Variants in IPO13 observed in about 807,000 individuals in gnomAD.
The protein encoded by IPO13 is importin 13, also known as importin-13.
In IPO13, 28 loss-of-function variants were observed where a neutral mutation model predicts 115.5. That is an observed-to-expected ratio of 0.24 (90% CI 0.18 to 0.33). The LOEUF is 0.33. IPO13 is among the 10% of genes least tolerant of loss of function. The pLI is 1.00. For synonymous variants in IPO13, 414 were observed against 478.9 expected (o/e 0.86, Z 1.77); for missense variants, 785 against 1,204.6 (o/e 0.65, Z 5.16).
rs569169406 is a variant in IPO13, at chr1:43,957,654, C to T, written c.1540+105C>T. ...TATCCAGAATGGGAGAGCCACATGC[C>T]TACACACAATCAGTGTTGTAACAAA... On this transcript the variant is annotated intron_variant, in intron 7 of 19. Transcript: ENST00000372343. 6.6e-6 allele frequency: 9 copies of T among 1,368,434 alleles called. No individual in the cohort carries two copies. In the South Asian group the frequency reaches 1.2e-4, roughly 18 times the overall value. The allele number at this position is 1,368,434 out of a possible 1,614,324, so 84.8% of individuals were successfully genotyped here. A position where few individuals can be genotyped will look rare whatever the true frequency, so the allele number is the denominator to read the frequency against.
intron 7 of IPO13, 79 bp from the exon 8 acceptor site, chr1:43,957,898 A>C (rs2085262183): frequency 2.2e-6 from 3 of 1,392,346 alleles, no homozygotes; most frequent in African/African-American, 1.4e-5. Context: ...CCTGCCAGGA[A>C]CTCTGCTTGC....
At chr1:43,960,165 C>T (rs2085279638) in intron 11 of IPO13, 84 bp from the exon 12 acceptor site, 3 of 1,302,872 alleles carry the variant, frequency 2.3e-6, no homozygotes, top group Non-Finnish European at 3.3e-6. Flanking sequence ...CTGAACTGCT[C>T]CCCTCCTCCC....
chr1:43,963,783 C>A (rs999859897), intron 14 of IPO13, among the ~76,000 whole-genome samples: 1 of 152,206 alleles, frequency 6.6e-6, no homozygotes, highest in African/African-American at 2.4e-5. Flanking sequence ...GATGCCCTGG[C>A]CTTTCTAGGG....
chr1:43,960,806 G>A, intron 12 of IPO13, 70 bp from the exon 13 acceptor site: 3 of 1,585,816 alleles, frequency 1.9e-6, no homozygotes, highest in Non-Finnish European at 1.7e-6. Context: ...GGCCCCCTCT[G>A]TGCAGGGCTT....
chr1:43,963,923 C>T (rs1015377835), intron 14 of IPO13, among the ~76,000 whole-genome samples: 18 of 152,146 alleles, frequency 1.2e-4, no homozygotes, highest in Non-Finnish European at 2.6e-4. Context: ...GCTACCCCAA[C>T]CTGCCAGAGG....
At chr1:43,957,678 A>C in intron 7 of IPO13, 129 bp downstream of exon 7, 1 of 1,182,218 alleles carries the variant, frequency 8.5e-7, no homozygotes, top group African/African-American at 1.5e-5. Flanking sequence ...TGTTGTAACA[A>C]ACTGACTGTC....
chr1:43,958,641 C>G lies in IPO13; in HGVS notation c.1884+46C>G, dbSNP rs1381917416. On this transcript the variant is annotated intron_variant, in intron 10 of 19. Transcript: ENST00000372343. The surrounding 1 kb of genome is among the most constrained non-coding windows in gnomAD (Gnocchi z 6.3). ...AGGGAGCGGTACTGAGATGCTGTGG[C>G]TGATGAGGGGTGAGGTTGGAGCTGG... 1 of 1,612,816 alleles carries G rather than the reference C, an allele frequency of 6.2e-7. No homozygotes were observed.
chr1:43,960,963 C>T lies in IPO13; in HGVS notation c.2197C>T (p.Arg733Trp), dbSNP rs2085285234. 3.1e-6 allele frequency: 5 copies of T among 1,614,148 alleles called. No individual in the cohort carries two copies. The highest frequency in any genetic ancestry group is 3.4e-6 in the Non-Finnish European group (4 of 1,180,022). ...GCCACAGCTGTGTGAGATGCTGGGT[C>T]GGATGTACAGCACCATCCCCCAGGC... ...MVPQLCEMLG[R>W]MYSTIPQASA... The change falls in exon 13 of 20, where the codon CGG becomes TGG. Residue 733 changes from arginine (R) to tryptophan (W), a missense_variant. Transcript: ENST00000372343.
chr1:43,950,653 C>T (rs1325371654), intron 2 of IPO13, among the ~76,000 whole-genome samples: 1 of 152,226 alleles, frequency 6.6e-6, no homozygotes, highest in Non-Finnish European at 1.5e-5. Flanking sequence ...TAATGTGACT[C>T]ATAATGGTGC....
In IPO13 at chr1:43,966,919, A is replaced by G. The variant is rs761232932; in HGVS notation, c.2524-11A>G. 1 of 1,613,482 alleles carries G rather than the reference A, an allele frequency of 6.2e-7. No individual in the cohort carries two copies. The highest frequency in any genetic ancestry group is 8.5e-7 in the Non-Finnish European group (1 of 1,179,738). On this transcript the variant is annotated splice_polypyrimidine_tract_variant and intron_variant, in intron 17 of 19. Coordinates refer to ENST00000372343, the MANE Select transcript of IPO13 (RefSeq NM_014652.4). This position sits in a 1 kb window ranked among gnomAD's most constrained non-coding sequence, Gnocchi z 4.1. ...AGGAGCTGGGCTGATGGGCCTCTCC[A>G]TCCTCTGCAGACAGAGCTGCTGCCT... is the stretch of plus-strand genomic sequence containing the variant.
Position 43,950,020 on chromosome 1 carries a change from G to C in IPO13, c.688G>C (p.Val230Leu), listed in dbSNP as rs756256376. 5.0e-6 allele frequency: 8 copies of C among 1,613,372 alleles called. No individual in the cohort carries two copies. The highest frequency in any genetic ancestry group is 6.8e-6 in the Non-Finnish European group (8 of 1,179,892). Residue 230 changes from valine (V) to leucine (L), a missense_variant, in exon 2 of 20, where the codon GTG becomes CTG. Around this residue, in one of 3 missense-constraint regions of IPO13, gnomAD observed 325 missense variants for 449.8 expected, o/e 0.72. Coordinates refer to ENST00000372343, the MANE Select transcript of IPO13 (RefSeq NM_014652.4). ...GGTGCTCAAGTGTTTCTCCAGCTGG[G>C]TGCAGCTGGAGGTGCCGCTGCAGGA... The part of the protein sequence containing the change: ...QKVLKCFSSW[V>L]QLEVPLQDCE...
In IPO13 at chr1:43,958,657, T is replaced by C; in HGVS notation, c.1884+62T>C. ...ATGCTGTGGCTGATGAGGGGTGAGG[T>C]TGGAGCTGGCCCTCAGAGCTGAGGC... is the stretch of plus-strand genomic sequence containing the variant. On this transcript the variant is annotated intron_variant, in intron 10 of 19. Coordinates refer to ENST00000372343, the MANE Select transcript of IPO13 (RefSeq NM_014652.4). This position sits in a 1 kb window ranked among gnomAD's most constrained non-coding sequence, Gnocchi z 6.3. 6.2e-7 allele frequency: 1 copy of C among 1,611,454 alleles called. No homozygotes were observed. Among genetic ancestry groups the C allele is most frequent in the Non-Finnish European group, 8.5e-7 (1 of 1,178,432 alleles).
chr1:43,954,863 C>CTTCA (rs1242153924), intron 2 of IPO13, among the ~76,000 whole-genome samples: 1 of 152,170 alleles, frequency 6.6e-6, no homozygotes, highest in Non-Finnish European at 1.5e-5. Flanking sequence ...CTATGCTGGG[C>CTTCA]TTCAGGCTTT....
Position 43,958,940 on chromosome 1 carries a change from AC to A in IPO13, c.2028+56del, listed in dbSNP as rs773721410. 3.3e-6 allele frequency: 5 copies of A among 1,524,166 alleles called. No individual in the cohort carries two copies. Among genetic ancestry groups the A allele is most frequent in the African/African-American group, 1.4e-5 (1 of 72,486 alleles). 94.4% of individuals were successfully genotyped at this position (1,524,166 alleles called of 1,614,324 possible). On this transcript the variant is annotated intron_variant, in intron 11 of 19. Transcript: ENST00000372343. This position sits in a 1 kb window ranked among gnomAD's most constrained non-coding sequence, Gnocchi z 6.3. ...GACATTTGTCTTTGCCATCCCCCCA[AC>A]CCCCACCTGTGGGAATGTCATTGTC...
intron 15 of IPO13, 151 bp downstream of exon 15, chr1:43,964,472 T>C (rs771560953): frequency 4.7e-6 from 3 of 642,036 alleles, no homozygotes; most frequent in East Asian, 2.7e-5. Context: ...TCCGTGGAAG[T>C]TGACAACCCA....
In IPO13 at chr1:43,960,956, G is replaced by T; in HGVS notation, c.2190G>T (p.Met730Ile). 1 of 1,614,224 alleles carries T rather than the reference G, an allele frequency of 6.2e-7. No individual in the cohort carries two copies. Among genetic ancestry groups the T allele is most frequent in the South Asian group, 1.1e-5 (1 of 91,082 alleles). ...FAPMVPQLCEMLGRMYSTIPQ... is the reference protein window; with the variant it reads ...FAPMVPQLCEILGRMYSTIPQ... The stretch of plus-strand genomic sequence containing the variant: ...CCATGGTGCCACAGCTGTGTGAGAT[G>T]CTGGGTCGGATGTACAGCACCATCC... The change falls in exon 13 of 20, where the codon ATG becomes ATT. Residue 730 changes from methionine (M) to isoleucine (I), a missense_variant. Transcript: ENST00000372343.
chr1:43,949,875 C>T lies in IPO13; in HGVS notation c.543C>T (p.Arg181=). Residue 181 remains arginine (R), a synonymous_variant, in exon 2 of 20, where the codon CGC becomes CGT. Transcript: ENST00000372343. ...TGCCTGAGGAGTTCCAGACCAGTCGCCTACCCCAGTACCGCAAAGGCCTGG... is the reference window on the plus strand; with the variant it reads ...TGCCTGAGGAGTTCCAGACCAGTCGTCTACCCCAGTACCGCAAAGGCCTGG... ...TVLPEEFQTS[R]LPQYRKGLVR... The T allele has an allele frequency of 6.2e-7, 1 of 1,612,478 alleles. No individual in the cohort carries two copies. Among genetic ancestry groups the T allele is most frequent in the Non-Finnish European group, 8.5e-7 (1 of 1,179,896 alleles).
At position 43,966,942 on chromosome 1, in the gene IPO13, C is replaced by T; in HGVS notation, c.2536C>T (p.Pro846Ser). The change falls in exon 18 of 20, where the codon CCT becomes TCT. Residue 846 changes from proline (P) to serine (S), a missense_variant. Physicochemically the swap from Pro to Ser is moderately conservative, Grantham distance 74. Coordinates refer to ENST00000372343, the MANE Select transcript of IPO13 (RefSeq NM_014652.4). The surrounding 1 kb of genome is among the most constrained non-coding windows in gnomAD (Gnocchi z 4.1). ...ASCGFFTELL[P>S]RCGEVESVGK... ...CCATCCTCTGCAGACAGAGCTGCTG[C>T]CTCGGTGTGGGGAAGTAGAGTCTGT... 6.2e-7 allele frequency: 1 copy of T among 1,613,788 alleles called. No homozygotes were observed. The highest frequency in any genetic ancestry group is 2.2e-5 in the East Asian group (1 of 44,878).
At position 43,950,166 on chromosome 1, in the gene IPO13, C is replaced by A; in HGVS notation, c.821+13C>A. 6.3e-7 allele frequency: 1 copy of A among 1,586,360 alleles called. No individual in the cohort carries two copies. The highest frequency in any genetic ancestry group is 1.1e-5 in the South Asian group (1 of 88,042). On this transcript the variant is annotated intron_variant, in intron 2 of 19. Coordinates refer to ENST00000372343, the MANE Select transcript of IPO13 (RefSeq NM_014652.4). ...CTGATGCCCAGAGGTGAGCTAGTAC[C>A]CACTCACCCAGAAGACAACCTCTTT...
Sources: allele counts gnomAD v4.1 joint callset (sites outside exome capture counted in the v4.1 genomes callset), GRCh38; gene constraint gnomAD v4.1.1; regional missense constraint gnomAD v4.1.1; non-coding constraint Gnocchi (gnomAD v3.1); transcripts MANE v1.5; gene names NCBI Gene and HGNC (gene_info 2026-07-23, HGNC 2026-07-21).